The following ADAMTS2 variants were observed in gnomAD, a reference collection of about 807,000 sequenced individuals.
ADAMTS2 encodes the protein ADAM metallopeptidase with thrombospondin type 1 motif 2.
ADAMTS2 carries 50 observed loss-of-function variants against 123.0 expected under a neutral mutation model. The observed-to-expected ratio is 0.41, with a 90% CI of 0.32 to 0.51. The LOEUF (loss-of-function observed/expected upper bound fraction) is 0.51. Ranked by LOEUF, ADAMTS2 falls within the 20% of genes least tolerant of loss-of-function variation. The pLI is 0.35. For synonymous variants in ADAMTS2, 678 were observed against 695.4 expected (o/e 0.98, Z 0.39); for missense variants, 1,494 against 1,705.2 (o/e 0.88, Z 2.18).
At position 179,185,672 on chromosome 5, in the gene ADAMTS2, G is replaced by A. The variant is rs1485234675; in HGVS notation, c.892-4517C>T. On this transcript the variant is annotated intron_variant, in intron 4 of 21. Transcript: ENST00000251582. The surrounding 1 kb of genome is among the most constrained non-coding windows in gnomAD (Gnocchi z 5.9). ...TGGAACTCCCTGGGATAGACCGTCA[G>A]CCTCACATTCTGCTTGGAGGTGGGG... 6.9e-6 allele frequency among the ~76,000 whole-genome samples: 1 copy of A among 145,246 alleles called. No homozygotes were observed. Among genetic ancestry groups the A allele is most frequent in the East Asian group, 1.9e-4 (1 of 5,134 alleles).
In ADAMTS2 at chr5:179,125,137, G is replaced by A. The variant is rs776975672; in HGVS notation, c.2794C>T (p.Arg932Trp). 1.2e-5 allele frequency: 19 copies of A among 1,612,674 alleles called. No homozygotes were observed. The highest frequency in any genetic ancestry group is 1.6e-4 in the Middle Eastern group (1 of 6,082). ...ACGGAGCGCACCTGCATGCCTGTCC[G>A]CCCACAGGTCTGGCTACATGGCTCC... ...EWEPCSQTCGRTGMQVRSVRC... is the reference protein window; with the variant it reads ...EWEPCSQTCGWTGMQVRSVRC... The change falls in exon 19 of 22, where the codon CGG (arginine) becomes TGG (tryptophan). Residue 932 changes from arginine (R) to tryptophan (W), a missense_variant. Transcript: ENST00000251582.
chr5:179,265,243 G>A lies in ADAMTS2; in HGVS notation c.688+7668C>T, dbSNP rs557540682. 7.9e-5 allele frequency among the ~76,000 whole-genome samples: 12 copies of A among 152,308 alleles called. No individual in the cohort carries two copies. In the East Asian group the frequency reaches 1.3e-3, roughly 17 times the overall value. The stretch of plus-strand genomic sequence containing the variant: ...CGGGTCAGGCTTGTCACCTGCCCAC[G>A]GTGCTCCACCAAAGATCCAGGCCCT... On this transcript the variant is annotated intron_variant, in intron 3 of 21. Transcript: ENST00000251582.
intron 3 of ADAMTS2, among the ~76,000 whole-genome samples, chr5:179,244,563 C>T (rs1433187139): frequency 1.3e-5 from 2 of 152,218 alleles, no homozygotes; most frequent in Admixed American, 1.3e-4. Context: ...CACACCCACA[C>T]ACATACAGTA....
chr5:179,124,393 C>G (rs755293685), intron 19 of ADAMTS2, among the ~76,000 whole-genome samples: 13 of 152,140 alleles, frequency 8.5e-5, no homozygotes, highest in Non-Finnish European at 5.9e-5. Context: ...AGCCTAAGCA[C>G]GCCCTGCTCT....
Position 179,270,901 on chromosome 5 carries a change from AC to A in ADAMTS2, c.688+2009del, listed in dbSNP as rs751342091. On this transcript the variant is annotated intron_variant, in intron 3 of 21. Transcript: ENST00000251582. ...CCCAGCCCCAAGTTCTGGGATCCAG[AC>A]CTATAGCCCCAGGCCCACGCTCACA... 4.6e-5 allele frequency among the ~76,000 whole-genome samples: 7 copies of A among 151,994 alleles called. 1 individual carries two copies. Among genetic ancestry groups the A allele is most frequent in the Non-Finnish European group, 8.8e-5 (6 of 67,982 alleles).
In ADAMTS2 at chr5:179,260,396, C is replaced by T. The variant is rs532660660; in HGVS notation, c.688+12515G>A. 1.9e-4 allele frequency among the ~76,000 whole-genome samples: 29 copies of T among 152,350 alleles called. No individual in the cohort carries two copies. Among genetic ancestry groups the T allele is most frequent in the African/African-American group, 6.0e-4 (25 of 41,580 alleles). Reference sequence around the variant, plus strand: ...AGCAAAAGATTCTCCCCGAAGCTAACGTGCTAAGTGACCTGGAGACACATC... The same window carrying T: ...AGCAAAAGATTCTCCCCGAAGCTAATGTGCTAAGTGACCTGGAGACACATC... On this transcript the variant is annotated intron_variant, in intron 3 of 21. Coordinates refer to ENST00000251582, the MANE Select transcript of ADAMTS2 (RefSeq NM_014244.5). The surrounding 1 kb of genome is among the most constrained non-coding windows in gnomAD (Gnocchi z 4.2).
intron 3 of ADAMTS2, among the ~76,000 whole-genome samples, chr5:179,267,745 G>C (rs760531278): frequency 1.3e-5 from 2 of 152,240 alleles, no homozygotes; most frequent in Non-Finnish European, 2.9e-5. Flanking sequence ...CACTGGGTGT[G>C]CAGGGCCCAG....
At chr5:179,163,116 T>A (rs1041621225) in intron 5 of ADAMTS2, among the ~76,000 whole-genome samples, 6 of 151,932 alleles carry the variant, frequency 3.9e-5, no homozygotes, top group Non-Finnish European at 8.8e-5. Context: ...TGAGGCAGGC[T>A]GGGGGTGTGC....
intron 2 of ADAMTS2, among the ~76,000 whole-genome samples, chr5:179,319,993 G>A (rs1757113993): frequency 6.6e-6 from 1 of 152,220 alleles, no homozygotes. Flanking sequence ...GGCCACTCCT[G>A]CTGCCCAGCC....
In ADAMTS2 at chr5:179,204,467, C is replaced by T. The variant is rs547835773; in HGVS notation, c.891+3046G>A. Among the ~76,000 whole-genome samples the T allele has an allele frequency of 7.9e-5, 12 of 152,330 alleles. No homozygotes were observed. In the South Asian group the frequency reaches 1.4e-3, roughly 18 times the overall value. ...CCACACTTCAAGTGCTCCAGAGCCC[C>T]GGTGGCTACTGCCCCAGAAAGGGCG... is the stretch of plus-strand genomic sequence containing the variant. On this transcript the variant is annotated intron_variant, in intron 4 of 21. Coordinates refer to ENST00000251582, the MANE Select transcript of ADAMTS2 (RefSeq NM_014244.5).
At chr5:179,311,953 G>C (rs897516236) in intron 2 of ADAMTS2, among the ~76,000 whole-genome samples, 2 of 152,220 alleles carry the variant, frequency 1.3e-5, no homozygotes, top group African/African-American at 4.8e-5. Flanking sequence ...CTGCCTTGCT[G>C]AAGGGAAGGT....
At chr5:179,292,978 G>T (rs1462532063) in intron 2 of ADAMTS2, among the ~76,000 whole-genome samples, 3 of 152,214 alleles carry the variant, frequency 2.0e-5, no homozygotes, top group African/African-American at 7.2e-5. Context: ...GTTGTCAGGA[G>T]CTACGCTGGC....
chr5:179,319,588 G>A (rs1757100466), intron 2 of ADAMTS2, among the ~76,000 whole-genome samples: 6 of 151,882 alleles, frequency 4.0e-5, no homozygotes, highest in South Asian at 4.1e-4. Context: ...CTGCCTGCTT[G>A]CTTACTTTCC....
chr5:179,138,743 G>A (rs978354385), intron 11 of ADAMTS2, among the ~76,000 whole-genome samples: 3 of 152,212 alleles, frequency 2.0e-5, no homozygotes, highest in Non-Finnish European at 4.4e-5. Flanking sequence ...GCTGCTGAGG[G>A]AGGCTGTCCC....
chr5:179,192,215 G>A (rs1430476767), intron 4 of ADAMTS2, among the ~76,000 whole-genome samples: 1 of 152,214 alleles, frequency 6.6e-6, no homozygotes, highest in Non-Finnish European at 1.5e-5. Flanking sequence ...CCTCGACCTG[G>A]GCAGGGGCCC....
At chr5:179,116,368 C>T (rs1289661743) in intron 21 of ADAMTS2, among the ~76,000 whole-genome samples, 1 of 150,928 alleles carries the variant, frequency 6.6e-6, no homozygotes, top group Non-Finnish European at 1.5e-5. Flanking sequence ...CTTTTGGCCA[C>T]AGGGCCTTTG....
At chr5:179,209,362 A>G (rs1194098057) in intron 3 of ADAMTS2, among the ~76,000 whole-genome samples, 1 of 152,182 alleles carries the variant, frequency 6.6e-6, no homozygotes, top group Non-Finnish European at 1.5e-5. Context: ...GGCAAGACCA[A>G]GACAGACAGT....
chr5:179,207,966 C>T (rs772437844), intron 3 of ADAMTS2, among the ~76,000 whole-genome samples: 2 of 152,202 alleles, frequency 1.3e-5, no homozygotes, highest in African/African-American at 2.4e-5. Context: ...CCCCTGGTGG[C>T]AACCCCAGCC....
chr5:179,331,002 G>A (rs1411866019), intron 2 of ADAMTS2, among the ~76,000 whole-genome samples: 1 of 152,056 alleles, frequency 6.6e-6, no homozygotes, highest in Non-Finnish European at 1.5e-5. Flanking sequence ...ATTTCATCTG[G>A]TGCTCCAGCT....
Sources: allele counts gnomAD v4.1 joint callset (sites outside exome capture counted in the v4.1 genomes callset), GRCh38; gene constraint gnomAD v4.1.1; non-coding constraint Gnocchi (gnomAD v3.1); transcripts MANE v1.5; gene names NCBI Gene and HGNC (gene_info 2026-07-23, HGNC 2026-07-21).